The following UBR1 variants were observed in gnomAD, a reference collection of about 807,000 sequenced individuals.
UBR1 encodes E3 ubiquitin-protein ligase UBR1.
Under a neutral mutation model 242.1 loss-of-function variants are expected in UBR1, and 102 were observed. That is an observed-to-expected ratio of 0.42 (90% CI 0.36 to 0.50). UBR1 has a LOEUF of 0.50. Among genes scored for constraint, UBR1 ranks in the 20% least tolerant of loss-of-function variants. The pLI is 0.01. For missense variants in UBR1, 1,772 were observed against 2,101.8 expected (o/e 0.84, Z 3.07); for synonymous variants, 675 against 684.8 (o/e 0.99, Z 0.22).
intron 35 of UBR1, 37 bp from the exon 36 acceptor site, chr15:42,984,979 G>A (rs762580716): frequency 2.8e-6 from 4 of 1,420,002 alleles, no homozygotes; most frequent in East Asian, 4.7e-5. Flanking sequence ...AATAAATCCT[G>A]AATAGTGCTA....
At chr15:43,097,938 T>A (rs901609201) in intron 1 of UBR1, among the ~76,000 whole-genome samples, 6 of 152,232 alleles carry the variant, frequency 3.9e-5, no homozygotes, top group Non-Finnish European at 8.8e-5. Context: ...TCCTCTGCAT[T>A]CACAACTTGG....
chr15:42,964,453 G>C (rs1247124692), intron 41 of UBR1, among the ~76,000 whole-genome samples: 1 of 151,786 alleles, frequency 6.6e-6, no homozygotes, highest in Non-Finnish European at 1.5e-5. Flanking sequence ...TGGGCAACAA[G>C]AGCGAAACTC....
chr15:42,958,806 CCAGT>C (rs1015182491), intron 43 of UBR1, among the ~76,000 whole-genome samples: 1 of 152,026 alleles, frequency 6.6e-6, no homozygotes, highest in African/African-American at 2.4e-5. Context: ...TCCTCAAACC[CCAGT>C]CAATCAACCA....
At chr15:42,971,056 G>T (rs994476400) in intron 39 of UBR1, among the ~76,000 whole-genome samples, 1 of 152,318 alleles carries the variant, frequency 6.6e-6, no homozygotes, top group South Asian at 2.1e-4. Flanking sequence ...GAATTTTAAA[G>T]TTGTTAGGTA....
At chr15:43,038,658 T>C (rs2033371126) in intron 15 of UBR1, among the ~76,000 whole-genome samples, 2 of 152,162 alleles carry the variant, frequency 1.3e-5, no homozygotes, top group Admixed American at 1.3e-4. Context: ...AGTGACAATC[T>C]AGAATGCAGA....
Position 43,060,110 on chromosome 15 carries a change from C to T in UBR1, c.803G>A (p.Arg268His), listed in dbSNP as rs143887505. 9 of 1,613,908 alleles carry T rather than the reference C, an allele frequency of 5.6e-6. No individual in the cohort carries two copies. The highest frequency in any genetic ancestry group is 1.1e-5 in the South Asian group (1 of 91,082). Reference sequence around the variant, plus strand: ...ATAAGCTCCCGCTTTAACAGCCCGACGACCCTAATTATAGACAAAAGTGAG... The same window carrying T: ...ATAAGCTCCCGCTTTAACAGCCCGATGACCCTAATTATAGACAAAAGTGAG... The part of the protein sequence containing the change: ...LHTTAIDKEG[R>H]RAVKAGAYAA... Residue 268 changes from arginine to histidine, a missense_variant, in exon 7 of 47, where the codon CGT (arginine) becomes CAT (histidine). Arg to His is a conservative substitution (Grantham distance 29). This residue lies in a region of UBR1 where 734 missense variants were observed against 893.3 expected (regional missense o/e 0.82). Transcript: ENST00000290650.
chr15:43,059,598 AAAAAAAG>A, intron 8 of UBR1, 97 bp downstream of exon 8: 55 of 1,412,310 alleles, frequency 3.9e-5, no homozygotes, highest in South Asian at 1.7e-4. Flanking sequence ...CAAAAAAAAA[AAAAAAAG>A]AAAAACTTTA....
intron 27 of UBR1, among the ~76,000 whole-genome samples, chr15:43,018,218 G>T (rs997077486): frequency 8.6e-5 from 13 of 151,980 alleles, no homozygotes; most frequent in Non-Finnish European, 1.8e-4. Flanking sequence ...AGCCAGGATG[G>T]TCTCGATCTC....
intron 30 of UBR1, 92 bp from the exon 31 acceptor site, chr15:43,004,022 G>A: frequency 1.9e-6 from 2 of 1,069,872 alleles, no homozygotes; most frequent in Admixed American, 3.4e-5. Flanking sequence ...TCCAAGCAAA[G>A]TGTCACAATA....
intron 15 of UBR1, among the ~76,000 whole-genome samples, chr15:43,040,666 A>G (rs2033405369): frequency 2.0e-5 from 3 of 152,216 alleles, no homozygotes; most frequent in Non-Finnish European, 2.9e-5. Context: ...CAACCTACAG[A>G]ATGGGAGAAA....
rs200326870 is a variant in UBR1, at chr15:43,093,810, A to AC, written c.82-7571_82-7570insG. Among the ~76,000 whole-genome samples the AC allele has an allele frequency of 4.8e-3, 731 of 151,322 alleles. 8 individuals are homozygous for AC. The highest frequency in any genetic ancestry group is 0.017 in the African/African-American group (693 of 41,058). ...GTCTCCAAAAAAAAAAAAAAAAAAA[A>AC]ACCAAAAAGGCAAGCTCATAACTAA... On this transcript the variant is annotated intron_variant, in intron 1 of 46. Coordinates refer to ENST00000290650, the MANE Select transcript of UBR1 (RefSeq NM_174916.3).
chr15:43,047,531 G>A (rs1165120890), intron 13 of UBR1, among the ~76,000 whole-genome samples: 1 of 152,176 alleles, frequency 6.6e-6, no homozygotes, highest in African/African-American at 2.4e-5. Flanking sequence ...TCTAAGCTTG[G>A]TTACTAAATG....
intron 15 of UBR1, among the ~76,000 whole-genome samples, chr15:43,042,932 T>C (rs1313254180): frequency 6.6e-6 from 1 of 152,130 alleles, no homozygotes; most frequent in Non-Finnish European, 1.5e-5. Flanking sequence ...TTTTATTATA[T>C]TTAAATTTGG....
chr15:43,050,723 T>TA (rs71108195), intron 12 of UBR1, among the ~76,000 whole-genome samples: 37,023 of 118,334 alleles, frequency 0.31, 6,154 homozygotes, highest in African/African-American at 0.51. Flanking sequence ...GACTCCGTCT[T>TA]AAAAAAAAAA....
chr15:43,023,049 G>T (rs1440494012), intron 25 of UBR1, among the ~76,000 whole-genome samples: 1 of 151,686 alleles, frequency 6.6e-6, no homozygotes, highest in African/African-American at 2.4e-5. Flanking sequence ...TGGAGGGGGC[G>T]GGGGGTATAG....
At chr15:42,956,135 G>A (rs968584641) in intron 44 of UBR1, among the ~76,000 whole-genome samples, 1 of 152,150 alleles carries the variant, frequency 6.6e-6, no homozygotes, top group Non-Finnish European at 1.5e-5. Flanking sequence ...CCTGAGTCAC[G>A]ATGCTATTAC....
intron 1 of UBR1, among the ~76,000 whole-genome samples, chr15:43,104,285 T>C (rs1298536541): frequency 1.3e-5 from 2 of 152,204 alleles, no homozygotes; most frequent in South Asian, 4.1e-4. Flanking sequence ...TTGTATTATC[T>C]GGAAAAAATT....
intron 15 of UBR1, among the ~76,000 whole-genome samples, chr15:43,040,813 T>C (rs968708775): frequency 2.0e-5 from 3 of 152,190 alleles, no homozygotes; most frequent in Admixed American, 2.0e-4. Flanking sequence ...AAAGAAGACA[T>C]TTATGCAGCC....
chr15:42,995,210 A>G (rs1291184021), intron 33 of UBR1, among the ~76,000 whole-genome samples: 1 of 152,232 alleles, frequency 6.6e-6, no homozygotes, highest in Non-Finnish European at 1.5e-5. Context: ...TTTAAGGCTG[A>G]ATTTTTGAGA....
Sources: allele counts gnomAD v4.1 joint callset (sites outside exome capture counted in the v4.1 genomes callset), GRCh38; gene constraint gnomAD v4.1.1; regional missense constraint gnomAD v4.1.1; transcripts MANE v1.5; gene names NCBI Gene and HGNC (gene_info 2026-07-23, HGNC 2026-07-21).